The following DOCK2 variants were observed in gnomAD, a reference collection of about 807,000 sequenced individuals.
DOCK2 encodes dedicator of cytokinesis protein 2.
A neutral mutation model predicts 248.9 loss-of-function variants in DOCK2; 87 were observed. The ratio of observed to expected loss-of-function variants is 0.35; its 90% CI spans 0.29 to 0.42. DOCK2 has a LOEUF of 0.42. Among genes scored for constraint, DOCK2 ranks in the 10% least tolerant of loss-of-function variants. The pLI, the probability that DOCK2 is intolerant of heterozygous loss-of-function variation, is 1.00. For synonymous variants in DOCK2, 805 were observed against 821.6 expected, an observed-to-expected ratio of 0.98 and a Z score of 0.35; for missense variants, 1,747 against 2,300.2, an observed-to-expected ratio of 0.76 and a Z score of 4.92.
intron 27 of DOCK2, among the ~76,000 whole-genome samples, chr5:169,901,603 A>AAGGT (rs1475429586): frequency 6.6e-6 from 1 of 152,230 alleles, no homozygotes; most frequent in Non-Finnish European, 1.5e-5. Context: ...TGATGATGGC[A>AAGGT]AGGTGGTAAC....
chr5:169,810,717 T>C (rs982921287), intron 26 of DOCK2, among the ~76,000 whole-genome samples: 13 of 152,328 alleles, frequency 8.5e-5, no homozygotes, highest in Admixed American at 7.2e-4. Context: ...GGGATTTTCC[T>C]GCTTCCTTAA....
At chr5:169,662,527 G>A (rs1758501771) in intron 2 of DOCK2, among the ~76,000 whole-genome samples, 1 of 152,190 alleles carries the variant, frequency 6.6e-6, no homozygotes, top group African/African-American at 2.4e-5. Flanking sequence ...ACCTGAGACT[G>A]GGTAATTTAT....
At chr5:169,840,732 A>G (rs369497145) in intron 26 of DOCK2, 25 bp from the exon 27 acceptor site, 44 of 1,610,104 alleles carry the variant, frequency 2.7e-5, no homozygotes, top group Non-Finnish European at 3.6e-5. Context: ...TGGTTGTCAC[A>G]TAGATGTCTC....
intron 25 of DOCK2, among the ~76,000 whole-genome samples, chr5:169,800,858 G>A (rs1279645746): frequency 6.6e-6 from 1 of 151,984 alleles, no homozygotes; most frequent in East Asian, 1.9e-4. Flanking sequence ...CCCCTGGGCA[G>A]CCTCCTTGGG....
At chr5:169,997,838 G>A in intron 30 of DOCK2, 1 of 435,832 alleles carries the variant, frequency 2.3e-6, no homozygotes, top group East Asian at 7.0e-5. Flanking sequence ...CCCCACACTT[G>A]CTCATCTAAG....
At chr5:169,760,893 A>T (rs1297680247) in intron 24 of DOCK2, among the ~76,000 whole-genome samples, 5 of 152,228 alleles carry the variant, frequency 3.3e-5, no homozygotes, top group Admixed American at 2.6e-4. Flanking sequence ...TTTATTTTGG[A>T]AAGCCGACAA....
At chr5:169,887,725 T>C (rs56270722) in intron 27 of DOCK2, among the ~76,000 whole-genome samples, 5,397 of 152,322 alleles carry the variant, frequency 0.035, 192 homozygotes, top group African/African-American at 0.091. Context: ...CTAATTATCT[T>C]CTTGAAATAA....
intron 27 of DOCK2, among the ~76,000 whole-genome samples, chr5:169,945,564 C>T (rs929021852): frequency 3.3e-5 from 5 of 152,174 alleles, no homozygotes; most frequent in Non-Finnish European, 5.9e-5. Context: ...GTGCTCATTT[C>T]GAAGGTGAGA....
chr5:169,851,759 T>C (rs1770626704), intron 27 of DOCK2, among the ~76,000 whole-genome samples: 1 of 152,058 alleles, frequency 6.6e-6, no homozygotes. Context: ...TTTTACACGG[T>C]GGCAGGAGAG....
intron 27 of DOCK2, among the ~76,000 whole-genome samples, chr5:169,870,113 C>T (rs1229527848): frequency 6.6e-6 from 1 of 152,174 alleles, no homozygotes; most frequent in East Asian, 1.9e-4. Context: ...TAGGGATGCT[C>T]AGTTAACTGC....
intron 27 of DOCK2, among the ~76,000 whole-genome samples, chr5:169,931,285 TGAC>T (rs879701053): frequency 3.9e-5 from 6 of 152,204 alleles, no homozygotes; most frequent in Non-Finnish European, 8.8e-5. Flanking sequence ...GCCCAGTTGC[TGAC>T]AAAGCCATCA....
At chr5:170,013,252 C>T (rs1012680502) in intron 32 of DOCK2, among the ~76,000 whole-genome samples, 1 of 152,002 alleles carries the variant, frequency 6.6e-6, no homozygotes, top group African/African-American at 2.4e-5. Flanking sequence ...ATTAGTGTGG[C>T]CATCCGTCCA....
At chr5:169,979,376 G>A (rs1777858776) in intron 27 of DOCK2, among the ~76,000 whole-genome samples, 1 of 152,204 alleles carries the variant, frequency 6.6e-6, no homozygotes, top group Non-Finnish European at 1.5e-5. Flanking sequence ...GTACAGAGGG[G>A]CAGGACACAA....
intron 27 of DOCK2, among the ~76,000 whole-genome samples, chr5:169,907,230 G>A (rs763579692): frequency 1.3e-5 from 2 of 152,182 alleles, no homozygotes; most frequent in Non-Finnish European, 1.5e-5. Context: ...TTTGCATTTG[G>A]TTTGCGTCAT....
chr5:169,689,143 C>T (rs1760150810), intron 8 of DOCK2, 109 bp from the exon 9 acceptor site: 2 of 992,850 alleles, frequency 2.0e-6, no homozygotes, highest in Non-Finnish European at 3.1e-6. Flanking sequence ...CCTGCATACC[C>T]CCAGCAGCCA....
chr5:169,841,431 A>G, intron 27 of DOCK2: 14 of 985,850 alleles, frequency 1.4e-5, no homozygotes, highest in Non-Finnish European at 1.7e-5. Context: ...ACCTCTGCCC[A>G]TCGTGCTTTA....
intron 26 of DOCK2, among the ~76,000 whole-genome samples, chr5:169,807,833 C>CAAAAAAAAAAAAAAAAAATAAAAAA (rs1767483912): frequency 4.1e-5 from 1 of 24,218 alleles, no homozygotes; most frequent in Non-Finnish European, 1.2e-4. Flanking sequence ...GACTCTGTCT[C>CAAAAAAAAAAAAAAAAAATAAAAAA]AAAAAAAAAA....
intron 44 of DOCK2, among the ~76,000 whole-genome samples, chr5:170,061,084 G>T (rs1018149967): frequency 4.6e-5 from 7 of 152,070 alleles, no homozygotes; most frequent in Non-Finnish European, 7.4e-5. Flanking sequence ...CAGGGATTGA[G>T]ATCACTTTCT....
chr5:169,996,285 T>C, intron 30 of DOCK2, 121 bp downstream of exon 30: 1 of 994,874 alleles, frequency 1.0e-6, no homozygotes, highest in South Asian at 1.7e-5. Context: ...TCTCCAGGGA[T>C]TCCCACGGGG....
Sources: allele counts gnomAD v4.1 joint callset (sites outside exome capture counted in the v4.1 genomes callset), GRCh38; gene constraint gnomAD v4.1.1; transcripts MANE v1.5; gene names NCBI Gene and HGNC (gene_info 2026-07-23, HGNC 2026-07-21).